The following SWAP70 variants were observed in gnomAD, a reference collection of about 807,000 sequenced individuals.
The protein encoded by SWAP70 is switch-associated protein 70.
SWAP70 carries 34 observed loss-of-function variants against 80.2 expected under a neutral mutation model. The observed-to-expected ratio is 0.42, with a 90% CI of 0.32 to 0.56. The LOEUF (loss-of-function observed/expected upper bound fraction) is 0.56, where lower values mean the gene tolerates loss of function less well. Ranked by LOEUF, SWAP70 falls within the 20% of genes least tolerant of loss-of-function variation. SWAP70 has a pLI of 0.09. For synonymous variants in SWAP70, 239 were observed against 238.5 expected (o/e 1.00, Z -0.02); for missense variants, 578 against 690.7 (o/e 0.84, Z 1.83).
In SWAP70 at chr11:9,726,481, G is replaced by T. The variant is rs2645010; in HGVS notation, c.643-1572G>T. Among the ~76,000 whole-genome samples the T allele has an allele frequency of 3.3e-5, 5 of 152,014 alleles. No individual in the cohort carries two copies. In the East Asian group the frequency reaches 9.7e-4, roughly 29 times the overall value. The stretch of plus-strand genomic sequence containing the variant: ...TTGGTGCTACAAAGAGGTATGAGAC[G>T]TGGTCTCCATCTGAAGTGGAATTCT... On this transcript the variant is annotated intron_variant, in intron 4 of 11. Coordinates refer to ENST00000318950, the MANE Select transcript of SWAP70 (RefSeq NM_015055.4).
rs115474897 is a variant in SWAP70, at chr11:9,737,592, A to G, written c.1081-621A>G. Among the ~76,000 whole-genome samples the G allele has an allele frequency of 4.3e-3, 657 of 152,320 alleles. 7 individuals carry two copies. Among genetic ancestry groups the G allele is most frequent in the African/African-American group, 0.015 (629 of 41,564 alleles). ...AAACTGTACAGAAAGAGCTCAAGAA[A>G]TAGCTCTCAAATCTCATGAATGTGG... On this transcript the variant is annotated intron_variant, in intron 7 of 11. Transcript: ENST00000318950.
chr11:9,711,085 T>C (rs1236477388), intron 2 of SWAP70, among the ~76,000 whole-genome samples: 11 of 151,966 alleles, frequency 7.2e-5, no homozygotes, highest in Admixed American at 5.2e-4. Flanking sequence ...ACATTGTTTA[T>C]ATTAATTTAA....
At chr11:9,706,465 A>T (rs1181436571) in intron 2 of SWAP70, among the ~76,000 whole-genome samples, 1 of 152,160 alleles carries the variant, frequency 6.6e-6, no homozygotes, top group Non-Finnish European at 1.5e-5. Context: ...GATATATGAA[A>T]ATTATAAAGC....
intron 1 of SWAP70, among the ~76,000 whole-genome samples, chr11:9,666,283 A>G (rs1184464895): frequency 1.3e-5 from 2 of 152,016 alleles, no homozygotes; most frequent in Admixed American, 6.6e-5. Context: ...ACGGGGTTTC[A>G]CCATGTTGGC....
chr11:9,728,315 A>AT, intron 5 of SWAP70, 116 bp downstream of exon 5: 1 of 1,151,360 alleles, frequency 8.7e-7, no homozygotes, highest in South Asian at 2.6e-5. Context: ...CCAAATTTAC[A>AT]TTTCCAAAAT....
intron 9 of SWAP70, among the ~76,000 whole-genome samples, chr11:9,742,184 A>G (rs959213230): frequency 1.3e-5 from 2 of 152,140 alleles, no homozygotes; most frequent in Non-Finnish European, 1.5e-5. Context: ...TGTAACTTCT[A>G]CATACAGCTC....
At chr11:9,717,089 C>T (rs1321732928) in intron 3 of SWAP70, among the ~76,000 whole-genome samples, 2 of 152,202 alleles carry the variant, frequency 1.3e-5, no homozygotes, top group Non-Finnish European at 1.5e-5. Context: ...ATTAGGTGCT[C>T]GCTGGTGATC....
chr11:9,711,532 C>T (rs1253252598), intron 2 of SWAP70, among the ~76,000 whole-genome samples: 1 of 152,140 alleles, frequency 6.6e-6, no homozygotes, highest in Non-Finnish European at 1.5e-5. Context: ...ACTCATTTTT[C>T]CCTGTTCCTT....
intron 2 of SWAP70, among the ~76,000 whole-genome samples, chr11:9,711,200 G>A (rs917546347): frequency 1.3e-5 from 2 of 152,150 alleles, no homozygotes; most frequent in Non-Finnish European, 2.9e-5. Flanking sequence ...GGGACTACAG[G>A]AGTGAGGCAC....
chr11:9,685,041 A>G (rs1241438679), intron 1 of SWAP70, among the ~76,000 whole-genome samples: 2 of 152,132 alleles, frequency 1.3e-5, no homozygotes, highest in African/African-American at 2.4e-5. Flanking sequence ...ACATTTGTGC[A>G]ATATTTCACT....
chr11:9,693,742 T>A (rs1428165248), intron 1 of SWAP70, among the ~76,000 whole-genome samples: 1 of 152,156 alleles, frequency 6.6e-6, no homozygotes, highest in African/African-American at 2.4e-5. Flanking sequence ...TAATACCAGG[T>A]TCTTTCTCTG....
At chr11:9,747,017 C>G (rs1001894521) in intron 9 of SWAP70, among the ~76,000 whole-genome samples, 1 of 152,108 alleles carries the variant, frequency 6.6e-6, no homozygotes, top group Admixed American at 6.5e-5. Context: ...TATTGTTGCT[C>G]AAGCCACTAG....
intron 3 of SWAP70, chr11:9,720,595 A>G: frequency 1.9e-6 from 1 of 532,468 alleles, no homozygotes; most frequent in Non-Finnish European, 2.4e-6. Context: ...ATGTGGCTAT[A>G]CACATGTGCT....
At chr11:9,730,401 A>G (rs1469105432) in intron 6 of SWAP70, among the ~76,000 whole-genome samples, 3 of 151,708 alleles carry the variant, frequency 2.0e-5, no homozygotes, top group Admixed American at 6.6e-5. Context: ...CTTCAAGATA[A>G]TAGCCTCCAG....
intron 9 of SWAP70, among the ~76,000 whole-genome samples, chr11:9,745,630 A>G (rs963224564): frequency 7.2e-5 from 11 of 152,232 alleles, no homozygotes; most frequent in African/African-American, 2.7e-4. Context: ...TCCCTCTATA[A>G]TATGAGCTGT....
chr11:9,705,469 CTT>C (rs1850894243), intron 2 of SWAP70, among the ~76,000 whole-genome samples: 1 of 135,892 alleles, frequency 7.4e-6, no homozygotes, highest in African/African-American at 3.0e-5. Context: ...TCTGTGTACA[CTT>C]GGTGATCTGT....
At position 9,714,496 on chromosome 11, in the gene SWAP70, T is replaced by G. The variant is rs942197387; in HGVS notation, c.414+857T>G. 2.6e-5 allele frequency among the ~76,000 whole-genome samples: 4 copies of G among 152,238 alleles called. No homozygotes were observed. The East Asian group carries it at 7.7e-4, about 29-fold the overall frequency. On this transcript the variant is annotated intron_variant, in intron 3 of 11. Transcript: ENST00000318950. ...CATTTTTGCATACTAGTCTGATTAT[T>G]TTCTTTGAATAAACTTCCAGCAGTG...
chr11:9,692,445 A>G (rs867574502), intron 1 of SWAP70, among the ~76,000 whole-genome samples: 1 of 151,518 alleles, frequency 6.6e-6, no homozygotes, highest in Admixed American at 6.6e-5. Flanking sequence ...TGGCATACAT[A>G]TTCTTAGGTA....
intron 2 of SWAP70, among the ~76,000 whole-genome samples, chr11:9,698,100 G>T (rs11042470): frequency 0.65 from 74,828 of 115,718 alleles, 23,102 homozygotes; most frequent in South Asian, 0.8. Flanking sequence ...CATGTTTTTT[G>T]TTTTTTTTTT....
Sources: gnomAD v4.1 joint callset for allele counts (sites outside exome capture counted in the v4.1 genomes callset) on GRCh38, gnomAD v4.1.1 for gene constraint, MANE v1.5 for transcripts, NCBI Gene and HGNC (gene_info 2026-07-23, HGNC 2026-07-21) for gene names.